Variants in C4orf17 observed in about 807,000 individuals in gnomAD.
C4orf17 encodes the protein chromosome 4 open reading frame 17.
A neutral mutation model predicts 32.0 loss-of-function variants in C4orf17; 25 were observed. That is an observed-to-expected ratio of 0.78 (90% CI 0.57 to 1.09). The LOEUF (loss-of-function observed/expected upper bound fraction) is 1.09. C4orf17 is among the 50% of genes least tolerant of loss of function. C4orf17 has a pLI of 0.00. For synonymous variants in C4orf17, 149 were observed against 145.8 expected (o/e 1.02, Z -0.16); for missense variants, 420 against 420.0 (o/e 1.00, Z 0.00).
At chr4:99,536,113 AG>A (rs969702985) in intron 5 of C4orf17, 28 of 355,818 alleles carry the variant, frequency 7.9e-5, no homozygotes, top group Non-Finnish European at 1.3e-4. Context: ...TCTCCATCCT[AG>A]GGGGGTACTG....
chr4:99,531,197 C>A (rs528202254), intron 5 of C4orf17, among the ~76,000 whole-genome samples: 3 of 151,856 alleles, frequency 2.0e-5, no homozygotes, highest in African/African-American at 7.3e-5. Flanking sequence ...TCTCTCTCCT[C>A]GCCCCACTCC....
Position 99,522,690 on chromosome 4 carries a change from G to T in C4orf17, c.318G>T (p.Val106=). The change falls in exon 3 of 9, where the codon GTG becomes GTT. Residue 106 remains valine, a synonymous_variant. Coordinates refer to ENST00000326581, the MANE Select transcript of C4orf17 (RefSeq NM_032149.3). ...CGCCAGCCCCAAACGGTGCCAAAGTGCCTCCACGGCCTCATTCTGGTGAGT... is the reference window on the plus strand; with the variant it reads ...CGCCAGCCCCAAACGGTGCCAAAGTTCCTCCACGGCCTCATTCTGGTGAGT... ...GMSPAPNGAK[V]PPRPHSEPSR... is the part of the protein sequence containing the mutation. The T allele has an allele frequency of 6.2e-7, 1 of 1,613,478 alleles. No individual in the cohort carries two copies.
intron 5 of C4orf17, chr4:99,536,018 T>C (rs369900262): frequency 3.1e-4 from 136 of 444,794 alleles, no homozygotes; most frequent in African/African-American, 2.3e-3. Flanking sequence ...CAGACCCTGG[T>C]TGCCTTGAGT....
chr4:99,531,122 GT>G (rs71594553), intron 5 of C4orf17, among the ~76,000 whole-genome samples: 52,630 of 150,634 alleles, frequency 0.35, 9,511 homozygotes, highest in East Asian at 0.45. Context: ...ATTACCCTTT[GT>G]TTTTTTTTGC....
At chr4:99,512,672 A>G (rs1481693648) in intron 1 of C4orf17, among the ~76,000 whole-genome samples, 1 of 152,192 alleles carries the variant, frequency 6.6e-6, no homozygotes, top group African/African-American at 2.4e-5. Context: ...AAAATTGATA[A>G]TCATGTAATT....
intron 2 of C4orf17, among the ~76,000 whole-genome samples, chr4:99,513,661 A>G (rs777088030): frequency 2.1e-4 from 32 of 151,594 alleles, no homozygotes; most frequent in Admixed American, 1.6e-3. Context: ...TCCTGCCCTC[A>G]TTCCCTCCCT....
intron 5 of C4orf17, among the ~76,000 whole-genome samples, chr4:99,536,437 C>T (rs1449618302): frequency 6.6e-6 from 1 of 152,168 alleles, no homozygotes; most frequent in Admixed American, 6.5e-5. Flanking sequence ...GAAATTCCCA[C>T]AGGAAGGCCC....
At chr4:99,533,092 T>C (rs1723501976) in intron 5 of C4orf17, among the ~76,000 whole-genome samples, 1 of 152,198 alleles carries the variant, frequency 6.6e-6, no homozygotes, top group South Asian at 2.1e-4. Flanking sequence ...GACTGGATAA[T>C]GTAATACTTT....
chr4:99,518,567 AGAGAGAGAGAGAGAG>A (rs1376682474), intron 2 of C4orf17, among the ~76,000 whole-genome samples: 10 of 130,490 alleles, frequency 7.7e-5, no homozygotes, highest in African/African-American at 3.1e-4. Flanking sequence ...AGAGAGAGAG[AGAGAGAGAGAGAGAG>A]AGGGAGGGAG....
rs1422677159 is a variant in C4orf17, at chr4:99,541,961, C to A, written c.932C>A (p.Pro311His). The A allele has an allele frequency of 6.2e-7, 1 of 1,613,800 alleles. No homozygotes were observed. The highest frequency in any genetic ancestry group is 2.2e-5 in the East Asian group (1 of 44,836). The change falls in exon 9 of 9, where the codon CCT becomes CAT. Residue 311 changes from proline to histidine, a missense_variant. Coordinates refer to ENST00000326581, the MANE Select transcript of C4orf17 (RefSeq NM_032149.3). ...LLIRRNNMKI[P>H]VAEYFSKPNS... ...ATAAGAAGAAATAATATGAAAATAC[C>A]TGTTGCAGAATATTTCAGCAAACCA...
At chr4:99,517,224 C>G (rs1222836290) in intron 2 of C4orf17, among the ~76,000 whole-genome samples, 1 of 152,144 alleles carries the variant, frequency 6.6e-6, no homozygotes, top group Non-Finnish European at 1.5e-5. Context: ...CAGCACACGG[C>G]AGGTCTCATG....
chr4:99,511,665 A>G (rs1424722452), intron 1 of C4orf17, among the ~76,000 whole-genome samples: 5 of 151,924 alleles, frequency 3.3e-5, no homozygotes, highest in African/African-American at 1.2e-4. Flanking sequence ...TGTCTTTTTC[A>G]CTCTCCAAAT....
rs754777595 is a variant in C4orf17, at chr4:99,522,624, C to G, written c.252C>G (p.Pro84=). ...NRIPFANCSY[P]SSTAVQESPV... ...TACCATTTGCCAATTGCAGTTACCC[C>G]TCCAGCACTGCAGTCCAGGAGAGCC... Residue 84 remains proline, a synonymous_variant, in exon 3 of 9, where the codon CCC becomes CCG. Coordinates refer to ENST00000326581, the MANE Select transcript of C4orf17 (RefSeq NM_032149.3). The G allele has an allele frequency of 1.1e-5, 18 of 1,613,806 alleles. No individual in the cohort carries two copies. In the South Asian group the frequency reaches 1.4e-4, roughly 13 times the overall value.
intron 5 of C4orf17, among the ~76,000 whole-genome samples, chr4:99,533,276 G>T (rs1185588390): frequency 6.6e-6 from 1 of 152,028 alleles, no homozygotes; most frequent in Non-Finnish European, 1.5e-5. Flanking sequence ...GGAGATAAGG[G>T]GTGACAAAGT....
At position 99,524,733 on chromosome 4, in the gene C4orf17, A is replaced by G. The variant is rs138390482; in HGVS notation, c.402+148A>G. 5.9e-3 allele frequency: 3,200 copies of G among 537,906 alleles called. 14 individuals carry two copies. Among genetic ancestry groups the G allele is most frequent in the Middle Eastern group, 0.012 (25 of 2,156 alleles). The allele number at this position is 537,906 out of a possible 1,614,324, so 33.3% of individuals were successfully genotyped here. A position where few individuals can be genotyped will look rare whatever the true frequency, so the allele number is the denominator to read the frequency against. ...CTAATTAACATAATATAAGATACAC[A>G]TATTCAAAATGCACAATTTAATGAG... On this transcript the variant is annotated intron_variant, in intron 4 of 8. Transcript: ENST00000326581.
intron 2 of C4orf17, among the ~76,000 whole-genome samples, chr4:99,520,071 C>A (rs1177976631): frequency 1.3e-5 from 2 of 150,872 alleles, no homozygotes; most frequent in Non-Finnish European, 2.9e-5. Flanking sequence ...TGGGAAAAAA[C>A]CCCAAAACCC....
chr4:99,513,355 A>G (rs1480586239), intron 2 of C4orf17, 147 bp downstream of exon 2: 12 of 1,004,640 alleles, frequency 1.2e-5, no homozygotes, highest in Non-Finnish European at 1.8e-5. Flanking sequence ...AGATGCCAGC[A>G]CTGTAGTGAG....
chr4:99,541,272 AT>A (rs1723647612), intron 8 of C4orf17: 1 of 152,338 alleles, frequency 6.6e-6, no homozygotes, highest in African/African-American at 2.4e-5. Flanking sequence ...TAGTTTAAAA[AT>A]TACAAAGTAC....
chr4:99,512,910 A>G (rs1178954582), intron 1 of C4orf17, 79 bp from the exon 2 acceptor site: 5 of 658,648 alleles, frequency 7.6e-6, no homozygotes, highest in Non-Finnish European at 1.2e-5. Flanking sequence ...AGTTCAAGCA[A>G]AGAAGATGGA....
Sources: allele counts gnomAD v4.1 joint callset (sites outside exome capture counted in the v4.1 genomes callset), GRCh38; gene constraint gnomAD v4.1.1; transcripts MANE v1.5; gene names NCBI Gene and HGNC (gene_info 2026-07-23, HGNC 2026-07-21).